XIRP2: variants seen among roughly 807,000 people sequenced by gnomAD.
XIRP2 encodes the protein xin actin binding repeat containing 2.
XIRP2 carries 236 observed loss-of-function variants against 277.0 expected under a neutral mutation model. The ratio of observed to expected loss-of-function variants is 0.85; its 90% CI spans 0.77 to 0.95. The LOEUF is 0.95. XIRP2 is among the 40% of genes least tolerant of loss of function. XIRP2 has a pLI of 0.00. For synonymous variants in XIRP2, 1,490 were observed against 1,416.5 expected (o/e 1.05, Z -1.17); for missense variants, 4,640 against 4,157.5 (o/e 1.12, Z -3.19).
intron 2 of XIRP2, among the ~76,000 whole-genome samples, chr2:167,085,461 G>A (rs921605017): frequency 2.6e-5 from 4 of 151,504 alleles, no homozygotes; most frequent in Non-Finnish European, 4.4e-5. Context: ...TATTAGGTCT[G>A]CTTGGTGCAG....
chr2:167,180,031 T>G (rs1692971035), intron 3 of XIRP2, among the ~76,000 whole-genome samples: 1 of 152,234 alleles, frequency 6.6e-6, no homozygotes, highest in South Asian at 2.1e-4. Flanking sequence ...GAGTTATCTG[T>G]TCAAATCTAT....
At chr2:167,094,567 TTAG>T (rs1052122170) in intron 2 of XIRP2, among the ~76,000 whole-genome samples, 56 of 152,144 alleles carry the variant, frequency 3.7e-4, no homozygotes, top group Admixed American at 1.0e-3. Flanking sequence ...ATTTATTAAA[TTAG>T]GGAATCCTTT....
intron 2 of XIRP2, among the ~76,000 whole-genome samples, chr2:167,053,565 A>T (rs1378849155): frequency 6.6e-6 from 1 of 152,170 alleles, no homozygotes; most frequent in Non-Finnish European, 1.5e-5. Flanking sequence ...CTGTGTCAGA[A>T]AACTAAGTGC....
chr2:167,184,687 G>A (rs1352032090), intron 3 of XIRP2: 1 of 706,046 alleles, frequency 1.4e-6, no homozygotes, highest in Admixed American at 2.1e-5. Flanking sequence ...GGGTCTCATT[G>A]GTTTGGCTAT....
chr2:166,934,838 C>G (rs1487250151), intron 2 of XIRP2, among the ~76,000 whole-genome samples: 1 of 149,278 alleles, frequency 6.7e-6, no homozygotes, highest in Non-Finnish European at 1.5e-5. Flanking sequence ...GAAGCACTGT[C>G]TCTACTAAAA....
At chr2:167,119,943 C>A (rs975018767) in intron 2 of XIRP2, among the ~76,000 whole-genome samples, 10 of 152,278 alleles carry the variant, frequency 6.6e-5, no homozygotes, top group African/African-American at 2.4e-4. Context: ...GGATAATCCA[C>A]TTAGAGGCTT....
intron 1 of XIRP2, chr2:166,889,740 G>C (rs549271142): frequency 3.3e-5 from 5 of 152,680 alleles, no homozygotes; most frequent in Non-Finnish European, 5.8e-5. Flanking sequence ...ACCTGCTTGG[G>C]GTTCTTGATG....
intron 3 of XIRP2, among the ~76,000 whole-genome samples, chr2:167,175,598 G>T (rs111584035): frequency 0.099 from 15,018 of 152,166 alleles, 792 homozygotes; most frequent in South Asian, 0.15. Flanking sequence ...TGTCTCCCAG[G>T]CAGGAGGCAG....
At chr2:166,958,187 C>T (rs1031828134) in intron 2 of XIRP2, among the ~76,000 whole-genome samples, 5 of 151,852 alleles carry the variant, frequency 3.3e-5, no homozygotes, top group African/African-American at 9.7e-5. Flanking sequence ...AAACAAGACC[C>T]ATTGACTGTG....
At chr2:166,925,607 A>ATATATATATATATATATATACATATAAG (rs1685166228) in intron 2 of XIRP2, among the ~76,000 whole-genome samples, 1 of 141,552 alleles carries the variant, frequency 7.1e-6, no homozygotes, top group African/African-American at 2.7e-5. Flanking sequence ...ATATATATAT[A>ATATATATATATATATATATACATATAAG]TATATATATA....
At chr2:167,060,465 T>C (rs1689149236) in intron 2 of XIRP2, among the ~76,000 whole-genome samples, 1 of 152,190 alleles carries the variant, frequency 6.6e-6, no homozygotes, top group Non-Finnish European at 1.5e-5. Context: ...TGTTTTCTAT[T>C]AGAAGTTTTA....
rs746449534 is a variant in XIRP2, at chr2:167,251,767, G to A, written c.10375G>A (p.Glu3459Lys). 5.6e-6 allele frequency: 9 copies of A among 1,613,250 alleles called. No homozygotes were observed. The Admixed American group carries it at 1.0e-4, about 18-fold the overall frequency. Residue 3459 changes from glutamate to lysine, a missense_variant, in exon 9 of 11, where the codon GAG becomes AAG. Coordinates refer to ENST00000409195, the MANE Select transcript of XIRP2 (RefSeq NM_152381.6). ...CDFKHAPPTYEDVIAGHILDI... is the reference protein window; with the variant it reads ...CDFKHAPPTYKDVIAGHILDI... ...CTTCAAGCATGCCCCACCAACCTAT[G>A]AGGATGTCATTGCTGGACATATTTT...
At chr2:166,941,136 C>T (rs1574099546) in intron 2 of XIRP2, among the ~76,000 whole-genome samples, 1 of 152,206 alleles carries the variant, frequency 6.6e-6, no homozygotes, top group Non-Finnish European at 1.5e-5. Flanking sequence ...ACTCAAGCCT[C>T]ATCAATGGCG....
Position 167,251,681 on chromosome 2 carries a change from T to G in XIRP2, c.10289T>G (p.Val3430Gly). The part of the protein sequence containing the change: ...SGMDAFESQI[V>G]ESKMKTSSSH... ...ATGGATGCATTTGAGAGTCAAATTG[T>G]TGAGTCGAAGATGAAAACCTCTTCA... The change falls in exon 9 of 11, where the codon GTT becomes GGT. Residue 3430 changes from valine to glycine, a missense_variant. Physicochemically the swap from Val to Gly is moderately radical, Grantham distance 109. Coordinates refer to ENST00000409195, the MANE Select transcript of XIRP2 (RefSeq NM_152381.6). 1 of 1,613,432 alleles carries G rather than the reference T, an allele frequency of 6.2e-7. No individual in the cohort carries two copies. The highest frequency in any genetic ancestry group is 1.1e-5 in the South Asian group (1 of 91,068).
At chr2:167,193,398 T>A (rs1693405099) in intron 3 of XIRP2, among the ~76,000 whole-genome samples, 1 of 152,236 alleles carries the variant, frequency 6.6e-6, no homozygotes, top group Admixed American at 6.5e-5. Flanking sequence ...TATGTGAATG[T>A]GTATGTGTAT....
intron 2 of XIRP2, among the ~76,000 whole-genome samples, chr2:167,059,787 C>T (rs1689133714): frequency 6.6e-6 from 1 of 152,156 alleles, no homozygotes; most frequent in Non-Finnish European, 1.5e-5. Context: ...TCATCCCCTC[C>T]GACACTAAAT....
rs189393785 is a variant in XIRP2 at position 166,968,607 on chromosome 2, C to T, written c.408+64717C>T. The stretch of plus-strand genomic sequence containing the variant: ...AAGGAAACTTACTGCTTATTTGTTG[C>T]AAAGTCTTTTTACATATGAGGAAAT... On this transcript the variant is annotated intron_variant, in intron 2 of 10. Transcript: ENST00000409195. 1.2e-4 allele frequency among the ~76,000 whole-genome samples: 19 copies of T among 152,056 alleles called. No individual in the cohort carries two copies. In the East Asian group the frequency reaches 2.9e-3, roughly 23 times the overall value.
chr2:167,112,592 T>A (rs1201124976), intron 2 of XIRP2, among the ~76,000 whole-genome samples: 1 of 148,038 alleles, frequency 6.8e-6, no homozygotes, highest in Non-Finnish European at 1.5e-5. Flanking sequence ...ATAATATATA[T>A]AAATCTCTAT....
chr2:167,090,847 G>A (rs997291031), intron 2 of XIRP2, among the ~76,000 whole-genome samples: 4 of 152,008 alleles, frequency 2.6e-5, no homozygotes, highest in African/African-American at 9.7e-5. Flanking sequence ...AGCTATTCAT[G>A]AGGCATCTGC....
Sources: allele counts gnomAD v4.1 joint callset (sites outside exome capture counted in the v4.1 genomes callset), GRCh38; gene constraint gnomAD v4.1.1; transcripts MANE v1.5; gene names NCBI Gene and HGNC (gene_info 2026-07-23, HGNC 2026-07-21).